The following WWOX variants were observed in gnomAD, a reference collection of about 807,000 sequenced individuals.
WWOX encodes the protein WW domain-containing oxidoreductase.
Under a neutral mutation model 46.2 loss-of-function variants are expected in WWOX, and 69 were observed. The observed-to-expected ratio is 1.49, with a 90% CI of 1.23 to 1.82. WWOX has a LOEUF of 1.82. Among genes scored for constraint, WWOX ranks in the 40% most tolerant of loss-of-function variants. The pLI is 0.00. For missense variants in WWOX, 919 were observed against 542.6 expected (o/e 1.69, Z -6.89); for synonymous variants, 359 against 202.6 (o/e 1.77, Z -6.56).
At chr16:78,852,576 A>G (rs957385784) in intron 8 of WWOX, among the ~76,000 whole-genome samples, 16 of 152,118 alleles carry the variant, frequency 1.1e-4, no homozygotes, top group African/African-American at 3.9e-4. Flanking sequence ...GACTTAGGAG[A>G]CACCCAAGTC....
At chr16:79,091,551 G>T (rs1311017630) in intron 8 of WWOX, among the ~76,000 whole-genome samples, 1 of 152,100 alleles carries the variant, frequency 6.6e-6, no homozygotes, top group Admixed American at 6.5e-5. Flanking sequence ...ATCTTGGAGA[G>T]AGGGTTTACT....
chr16:78,380,621 C>T (rs145475614), intron 5 of WWOX, among the ~76,000 whole-genome samples: 1 of 152,156 alleles, frequency 6.6e-6, no homozygotes, highest in Non-Finnish European at 1.5e-5. Flanking sequence ...GATGATAAAA[C>T]AATACATAAT....
At chr16:79,185,321 A>G (rs1028442907) in intron 8 of WWOX, among the ~76,000 whole-genome samples, 1 of 152,144 alleles carries the variant, frequency 6.6e-6, no homozygotes, top group Non-Finnish European at 1.5e-5. Flanking sequence ...ATTTCAACCC[A>G]TCCTCCGCTT....
At chr16:79,197,268 C>T (rs1469786157) in intron 8 of WWOX, among the ~76,000 whole-genome samples, 2 of 152,188 alleles carry the variant, frequency 1.3e-5, no homozygotes, top group Non-Finnish European at 2.9e-5. Flanking sequence ...TATCATAGCT[C>T]TTGATCTTCC....
rs115049512 is a variant in WWOX at position 78,634,764 on chromosome 16, A to G, written c.1056+202012A>G. ...GATTCTGCCGATAAACATCATCTGG[A>G]CGGAATGAAGCTGAGGGCCAATAGT... is the stretch of plus-strand genomic sequence containing the variant. On this transcript the variant is annotated intron_variant, in intron 8 of 8. Coordinates refer to ENST00000566780, the MANE Select transcript of WWOX (RefSeq NM_016373.4). Among the ~76,000 whole-genome samples the G allele has an allele frequency of 7.8e-4, 117 of 149,216 alleles. 2 individuals carry two copies. The highest frequency in any genetic ancestry group is 2.8e-3 in the African/African-American group (113 of 40,436).
chr16:78,776,309 C>T (rs184935683), intron 8 of WWOX, among the ~76,000 whole-genome samples: 4 of 152,216 alleles, frequency 2.6e-5, no homozygotes, highest in Admixed American at 2.6e-4. Flanking sequence ...GCAGTAAGCA[C>T]AGTGGCTGGG....
intron 8 of WWOX, among the ~76,000 whole-genome samples, chr16:79,019,157 CAAAAAA>C (rs903333994): frequency 9.4e-4 from 23 of 24,562 alleles, no homozygotes; most frequent in Admixed American, 2.7e-3. Context: ...GACCTTGTCT[CAAAAAA>C]AAAAAAAAAA....
intron 8 of WWOX, among the ~76,000 whole-genome samples, chr16:79,159,623 A>T: frequency 6.6e-6 from 1 of 152,144 alleles, no homozygotes. Context: ...TCCCCCAGAG[A>T]TTGTCTCTCC....
At chr16:78,232,156 C>A (rs987475402) in intron 5 of WWOX, among the ~76,000 whole-genome samples, 2 of 152,148 alleles carry the variant, frequency 1.3e-5, no homozygotes, top group Admixed American at 6.5e-5. Context: ...ATTTCACCCA[C>A]AGCCTCAAGA....
intron 8 of WWOX, among the ~76,000 whole-genome samples, chr16:78,583,629 CAT>C (rs1444379239): frequency 2.0e-5 from 3 of 152,142 alleles, no homozygotes; most frequent in Non-Finnish European, 4.4e-5. Flanking sequence ...CCAGTGATAA[CAT>C]AATGATAATG....
chr16:78,355,452 A>G (rs2081264511), intron 5 of WWOX: 2 of 323,388 alleles, frequency 6.2e-6, no homozygotes, highest in Non-Finnish European at 1.2e-5. Flanking sequence ...AGTACAAAAA[A>G]TTAGCCTGGC....
At position 78,651,297 on chromosome 16, in the gene WWOX, C is replaced by G. The variant is rs186325783; in HGVS notation, c.1056+218545C>G. Among the ~76,000 whole-genome samples the G allele has an allele frequency of 2.6e-5, 4 of 152,326 alleles. No homozygotes were observed. In the East Asian group the frequency reaches 7.7e-4, roughly 29 times the overall value. ...GCGAGTGAGTGCGAGCGAGAGAGCC[C>G]TGAGGTGCCAGAAGGCTGTGGTTCC... On this transcript the variant is annotated intron_variant, in intron 8 of 8. Coordinates refer to ENST00000566780, the MANE Select transcript of WWOX (RefSeq NM_016373.4).
intron 8 of WWOX, among the ~76,000 whole-genome samples, chr16:79,120,835 C>G (rs1045803072): frequency 6.6e-6 from 1 of 152,228 alleles, no homozygotes; most frequent in Non-Finnish European, 1.5e-5. Context: ...GTGGCATGAT[C>G]TTGGCTCACT....
intron 5 of WWOX, among the ~76,000 whole-genome samples, chr16:78,352,738 G>A (rs1291350594): frequency 1.3e-5 from 2 of 152,134 alleles, no homozygotes; most frequent in African/African-American, 4.8e-5. Context: ...GGGGTAGAGG[G>A]CATTCCACAT....
intron 5 of WWOX, among the ~76,000 whole-genome samples, chr16:78,204,040 C>T (rs1428125629): frequency 6.6e-6 from 1 of 152,164 alleles, no homozygotes; most frequent in African/African-American, 2.4e-5. Context: ...CAGCCATCCC[C>T]TCAACTCCAG....
intron 8 of WWOX, among the ~76,000 whole-genome samples, chr16:78,498,509 A>C (rs1050313728): frequency 3.3e-5 from 5 of 152,168 alleles, no homozygotes; most frequent in African/African-American, 1.2e-4. Flanking sequence ...GTGTGAGGCT[A>C]TTGATGAGGA....
chr16:79,065,701 C>T (rs573384081), intron 8 of WWOX, among the ~76,000 whole-genome samples: 1 of 152,272 alleles, frequency 6.6e-6, no homozygotes, highest in African/African-American at 2.4e-5. Context: ...AGGAGCTTTA[C>T]AAAGGTGGTT....
chr16:79,165,573 A>G (rs1292584473), intron 8 of WWOX, among the ~76,000 whole-genome samples: 5 of 152,156 alleles, frequency 3.3e-5, no homozygotes, highest in Non-Finnish European at 7.3e-5. Flanking sequence ...GTGCAGTTGT[A>G]TTCTGTTCCC....
chr16:78,245,657 C>G (rs1289988646), intron 5 of WWOX, among the ~76,000 whole-genome samples: 1 of 152,180 alleles, frequency 6.6e-6, no homozygotes, highest in Non-Finnish European at 1.5e-5. Flanking sequence ...TCTTCAAAGA[C>G]AAGTAGTGGG....
Sources: allele counts gnomAD v4.1 joint callset (sites outside exome capture counted in the v4.1 genomes callset), GRCh38; gene constraint gnomAD v4.1.1; transcripts MANE v1.5; gene names NCBI Gene and HGNC (gene_info 2026-07-23, HGNC 2026-07-21).